The following SUPT3H variants were observed in gnomAD, a reference collection of about 807,000 sequenced individuals.
SUPT3H encodes SPT3 homolog, SAGA and STAGA complex component.
Under a neutral mutation model 44.3 loss-of-function variants are expected in SUPT3H, and 44 were observed. The ratio of observed to expected loss-of-function variants is 0.99; its 90% confidence interval spans 0.78 to 1.28. The LOEUF is 1.28. SUPT3H is among the 50% of genes most tolerant of loss of function. The pLI is 0.00. For synonymous variants in SUPT3H, 124 were observed against 125.6 expected (o/e 0.99, Z 0.09); for missense variants, 380 against 387.1 (o/e 0.98, Z 0.15).
intron 10 of SUPT3H, among the ~76,000 whole-genome samples, chr6:44,877,793 C>T (rs926706890): frequency 4.6e-5 from 7 of 152,052 alleles, no homozygotes; most frequent in Non-Finnish European, 5.9e-5. Flanking sequence ...CATAGAATTC[C>T]ATTATCAGTG....
intron 2 of SUPT3H, among the ~76,000 whole-genome samples, chr6:45,147,239 A>G (rs1806224151): frequency 6.6e-6 from 1 of 152,138 alleles, no homozygotes; most frequent in South Asian, 2.1e-4. Flanking sequence ...TATTGTCGAG[A>G]TATTTAAAAT....
chr6:44,905,318 T>C (rs1582398809), intron 10 of SUPT3H, among the ~76,000 whole-genome samples: 2 of 151,950 alleles, frequency 1.3e-5, no homozygotes, highest in Admixed American at 1.3e-4. Flanking sequence ...TCCAACAATT[T>C]ACAAGAAAAA....
intron 2 of SUPT3H, among the ~76,000 whole-genome samples, chr6:45,334,145 G>A (rs1788071222): frequency 6.6e-6 from 1 of 150,978 alleles, no homozygotes; most frequent in Non-Finnish European, 1.5e-5. Context: ...CATCAGATTA[G>A]TGACATTTCT....
chr6:45,037,367 G>A (rs776247145), intron 3 of SUPT3H, among the ~76,000 whole-genome samples: 8 of 151,760 alleles, frequency 5.3e-5, no homozygotes, highest in Non-Finnish European at 8.8e-5. Flanking sequence ...AGAAATATAT[G>A]GCAGGGCGCA....
At chr6:45,206,711 T>C (rs562116127) in intron 2 of SUPT3H, among the ~76,000 whole-genome samples, 4 of 152,028 alleles carry the variant, frequency 2.6e-5, no homozygotes, top group Non-Finnish European at 5.9e-5. Context: ...CTAAGAGCAA[T>C]GTGTAGCAGT....
chr6:44,921,204 CAT>C (rs1768668298), intron 10 of SUPT3H, among the ~76,000 whole-genome samples: 1 of 152,204 alleles, frequency 6.6e-6, no homozygotes, highest in Admixed American at 6.5e-5. Context: ...TCTCAGGACA[CAT>C]GTGGATGTTA....
intron 10 of SUPT3H, among the ~76,000 whole-genome samples, chr6:44,881,488 A>T (rs1778213098): frequency 6.6e-6 from 1 of 152,206 alleles, no homozygotes; most frequent in South Asian, 2.1e-4. Context: ...ACAAGACAGA[A>T]AATTAACAAG....
intron 9 of SUPT3H, among the ~76,000 whole-genome samples, chr6:44,946,812 G>A (rs949526590): frequency 6.6e-6 from 1 of 152,044 alleles, no homozygotes; most frequent in African/African-American, 2.4e-5. Context: ...GCAATGTCAG[G>A]GTTTGAGAGA....
At chr6:45,193,805 G>A (rs1450897094) in intron 2 of SUPT3H, among the ~76,000 whole-genome samples, 3 of 152,132 alleles carry the variant, frequency 2.0e-5, no homozygotes, top group African/African-American at 7.2e-5. Context: ...ACGTACATTA[G>A]GGATTAAATC....
At chr6:44,831,402 T>C (rs972979318) in intron 10 of SUPT3H, among the ~76,000 whole-genome samples, 3 of 152,182 alleles carry the variant, frequency 2.0e-5, no homozygotes, top group Non-Finnish European at 4.4e-5. Context: ...TATAGAACAG[T>C]GTTAAGTGAA....
chr6:44,906,445 A>G (rs1766092234), intron 10 of SUPT3H, among the ~76,000 whole-genome samples: 1 of 152,166 alleles, frequency 6.6e-6, no homozygotes, highest in Non-Finnish European at 1.5e-5. Context: ...TTTTTCATGT[A>G]ATATCTCAGT....
At chr6:45,024,224 G>A (rs1396151397) in intron 3 of SUPT3H, among the ~76,000 whole-genome samples, 1 of 152,054 alleles carries the variant, frequency 6.6e-6, no homozygotes, top group Non-Finnish European at 1.5e-5. Context: ...ACTTTATTAG[G>A]AGGTTGAGAA....
intron 6 of SUPT3H, among the ~76,000 whole-genome samples, chr6:44,965,751 G>C (rs1776692098): frequency 1.3e-5 from 2 of 152,090 alleles, no homozygotes; most frequent in Non-Finnish European, 2.9e-5. Flanking sequence ...TTCAACATCT[G>C]AGTATTATAT....
intron 2 of SUPT3H, among the ~76,000 whole-genome samples, chr6:45,131,789 T>C (rs1803507465): frequency 6.6e-6 from 1 of 152,206 alleles, no homozygotes; most frequent in African/African-American, 2.4e-5. Context: ...AGGTGAATTA[T>C]AGCTTAAGTA....
At chr6:45,253,174 A>T (rs963520641) in intron 2 of SUPT3H, among the ~76,000 whole-genome samples, 2 of 152,192 alleles carry the variant, frequency 1.3e-5, no homozygotes. Context: ...ATTTCTTATA[A>T]AAAACAAAGA....
intron 10 of SUPT3H, among the ~76,000 whole-genome samples, chr6:44,838,970 A>G (rs1770438786): frequency 6.6e-6 from 1 of 152,238 alleles, no homozygotes; most frequent in African/African-American, 2.4e-5. Context: ...TGCCTTAACC[A>G]TTCTGAAAAT....
intron 6 of SUPT3H, among the ~76,000 whole-genome samples, chr6:44,986,880 C>A (rs781583638): frequency 6.6e-6 from 1 of 151,934 alleles, no homozygotes; most frequent in East Asian, 1.9e-4. Context: ...ATGATAAGTG[C>A]CATGAATAAT....
chr6:45,054,472 G>A (rs1407966499), intron 3 of SUPT3H, among the ~76,000 whole-genome samples: 1 of 152,080 alleles, frequency 6.6e-6, no homozygotes, highest in Non-Finnish European at 1.5e-5. Flanking sequence ...CATAAAAATA[G>A]TTTTTCCAGT....
intron 2 of SUPT3H, among the ~76,000 whole-genome samples, chr6:45,225,426 TA>T (rs1315825743): frequency 2.6e-5 from 4 of 152,204 alleles, no homozygotes; most frequent in African/African-American, 4.8e-5. Context: ...TTATATGCCT[TA>T]ATTTTCAATA....
Sources: allele counts gnomAD v4.1 joint callset (sites outside exome capture counted in the v4.1 genomes callset), GRCh38; gene constraint gnomAD v4.1.1; transcripts MANE v1.5; gene names NCBI Gene and HGNC (gene_info 2026-07-23, HGNC 2026-07-21).